Variants in BMP6 observed in about 807,000 individuals in gnomAD.
The protein encoded by BMP6 is bone morphogenetic protein 6.
Under a neutral mutation model 54.1 loss-of-function variants are expected in BMP6, and 17 were observed. The ratio of observed to expected loss-of-function variants is 0.31; its 90% CI spans 0.22 to 0.47. BMP6 has a LOEUF of 0.47. BMP6 is among the 20% of genes least tolerant of loss of function. The pLI is 1.00. For missense variants in BMP6, 720 were observed against 690.4 expected, an observed-to-expected ratio of 1.04 and a Z score of -0.48; for synonymous variants, 328 against 291.2, an observed-to-expected ratio of 1.13 and a Z score of -1.28.
chr6:7,729,325 C>T (rs1304202782), intron 1 of BMP6, among the ~76,000 whole-genome samples: 1 of 151,780 alleles, frequency 6.6e-6, no homozygotes, highest in African/African-American at 2.4e-5. Flanking sequence ...CCTCACCCCC[C>T]GCCCCCACCC....
intron 1 of BMP6, among the ~76,000 whole-genome samples, chr6:7,752,889 G>A (rs1224575425): frequency 1.3e-5 from 2 of 152,234 alleles, no homozygotes; most frequent in Middle Eastern, 3.4e-3. Context: ...GGCTGTGGTA[G>A]TGCCAGCTTA....
At chr6:7,742,742 A>G (rs546318508) in intron 1 of BMP6, among the ~76,000 whole-genome samples, 75 of 152,322 alleles carry the variant, frequency 4.9e-4, no homozygotes, top group African/African-American at 1.5e-3. Flanking sequence ...TTAAGTGGGC[A>G]CAAGTGTGTC....
chr6:7,831,912 G>A (rs938621519), intron 1 of BMP6, among the ~76,000 whole-genome samples: 20 of 152,188 alleles, frequency 1.3e-4, no homozygotes, highest in African/African-American at 4.8e-4. Context: ...GCAGGACCCA[G>A]CCCTGGCTCA....
intron 1 of BMP6, among the ~76,000 whole-genome samples, chr6:7,767,040 G>A (rs1722193353): frequency 6.7e-6 from 1 of 149,212 alleles, no homozygotes; most frequent in Non-Finnish European, 1.5e-5. Context: ...AGGCTGGGGT[G>A]CAGTGGCGCG....
intron 1 of BMP6, among the ~76,000 whole-genome samples, chr6:7,838,509 A>G (rs1407973512): frequency 2.6e-5 from 4 of 152,232 alleles, no homozygotes; most frequent in Admixed American, 6.5e-5. Flanking sequence ...ATTAGGTCCA[A>G]TGCTTTGCAA....
intron 4 of BMP6, among the ~76,000 whole-genome samples, chr6:7,869,778 A>G (rs1759490334): frequency 6.6e-6 from 1 of 152,182 alleles, no homozygotes; most frequent in Admixed American, 6.5e-5. Flanking sequence ...AAGGCCTAGC[A>G]ACTGAGATGA....
chr6:7,758,054 C>T (rs1034854938), intron 1 of BMP6, among the ~76,000 whole-genome samples: 1 of 152,216 alleles, frequency 6.6e-6, no homozygotes, highest in African/African-American at 2.4e-5. Flanking sequence ...TTTTCCATAT[C>T]AAAGTTCTGC....
At chr6:7,800,781 T>A (rs1156651562) in intron 1 of BMP6, among the ~76,000 whole-genome samples, 1 of 152,144 alleles carries the variant, frequency 6.6e-6, no homozygotes, top group Non-Finnish European at 1.5e-5. Context: ...ATAAATTGAT[T>A]CATTAAAACT....
chr6:7,806,704 C>G (rs1328931032), intron 1 of BMP6, among the ~76,000 whole-genome samples: 1 of 150,952 alleles, frequency 6.6e-6, no homozygotes, highest in Non-Finnish European at 1.5e-5. Context: ...TTTTTCTTTT[C>G]TTGGGTTGGA....
chr6:7,753,835 G>A lies in BMP6; in HGVS notation c.664+26216G>A, dbSNP rs986902077. On this transcript the variant is annotated intron_variant, in intron 1 of 6. Coordinates refer to ENST00000283147, the MANE Select transcript of BMP6 (RefSeq NM_001718.6). ...TCAAAATATTTTTAAAATTCCCCTC[G>A]TGATTTCTTCTTTGACCTGTGGATT... Among the ~76,000 whole-genome samples the A allele has an allele frequency of 6.6e-5, 10 of 152,094 alleles. No individual in the cohort carries two copies. In the East Asian group the frequency reaches 7.7e-4, roughly 12 times the overall value.
intron 4 of BMP6, among the ~76,000 whole-genome samples, chr6:7,864,657 A>G (rs542724089): frequency 6.6e-6 from 1 of 152,244 alleles, no homozygotes; most frequent in African/African-American, 2.4e-5. Context: ...CATCTATTTT[A>G]CCAGTAACTT....
chr6:7,852,582 A>AT (rs1239998311), intron 2 of BMP6, among the ~76,000 whole-genome samples: 2 of 152,080 alleles, frequency 1.3e-5, no homozygotes, highest in Non-Finnish European at 2.9e-5. Flanking sequence ...GTCTCAAAAA[A>AT]TTTTTTTTAA....
At chr6:7,740,563 G>A (rs1003957878) in intron 1 of BMP6, among the ~76,000 whole-genome samples, 3 of 152,068 alleles carry the variant, frequency 2.0e-5, no homozygotes, top group African/African-American at 7.2e-5. Flanking sequence ...CTCCATTTCT[G>A]TACTCTCATT....
chr6:7,729,042 C>T (rs1259224517), intron 1 of BMP6, among the ~76,000 whole-genome samples: 1 of 152,162 alleles, frequency 6.6e-6, no homozygotes, highest in Non-Finnish European at 1.5e-5. Context: ...AACAGAATCT[C>T]ACAGGAGTCC....
Position 7,757,847 on chromosome 6 carries a change from A to G in BMP6, c.664+30228A>G, listed in dbSNP as rs561748029. Among the ~76,000 whole-genome samples, 3 of 152,276 alleles carry G rather than the reference A, an allele frequency of 2.0e-5. No individual in the cohort carries two copies. The South Asian group carries it at 6.2e-4, about 32-fold the overall frequency. On this transcript the variant is annotated intron_variant, in intron 1 of 6. Coordinates refer to ENST00000283147, the MANE Select transcript of BMP6 (RefSeq NM_001718.6). ...CCATTTCCTTGCAGGTTCCCTGTCT[A>G]TTCCTGAACTTCAGGGCAGTGAGAA...
chr6:7,805,301 A>G (rs887825734), intron 1 of BMP6, among the ~76,000 whole-genome samples: 4 of 152,238 alleles, frequency 2.6e-5, no homozygotes, highest in Admixed American at 2.6e-4. Flanking sequence ...TGCGGACTTC[A>G]TAAATGTTAT....
rs974633367 is a variant in BMP6, at chr6:7,776,077, A to G, written c.664+48458A>G. 2.0e-5 allele frequency among the ~76,000 whole-genome samples: 3 copies of G among 152,184 alleles called. No homozygotes were observed. The South Asian group carries it at 6.2e-4, about 32-fold the overall frequency. On this transcript the variant is annotated intron_variant, in intron 1 of 6. Coordinates refer to ENST00000283147, the MANE Select transcript of BMP6 (RefSeq NM_001718.6). ...ATTAAAACAACTAAAACACTAGATG[A>G]TGTTTGTTTTATAAGCAAGAGAGAG...
chr6:7,762,864 T>TGA (rs1253536521), intron 1 of BMP6, among the ~76,000 whole-genome samples: 1 of 152,214 alleles, frequency 6.6e-6, no homozygotes, highest in Non-Finnish European at 1.5e-5. Flanking sequence ...ATAGTTGGCT[T>TGA]GATGTTTAAG....
intron 1 of BMP6, among the ~76,000 whole-genome samples, chr6:7,844,340 C>T (rs1378871610): frequency 4.0e-5 from 5 of 125,118 alleles, no homozygotes; most frequent in African/African-American, 1.6e-4. Context: ...ATCCTTTCCC[C>T]CCAGTTTTTT....
Sources: allele counts gnomAD v4.1 joint callset (sites outside exome capture counted in the v4.1 genomes callset), GRCh38; gene constraint gnomAD v4.1.1; transcripts MANE v1.5; gene names NCBI Gene and HGNC (gene_info 2026-07-23, HGNC 2026-07-21).